The following TCF4 variants were observed in gnomAD, a reference collection of about 807,000 sequenced individuals.
TCF4 encodes the protein transcription factor 4, also known as SL3-3 enhancer factor 2.
A neutral mutation model predicts 82.1 loss-of-function variants in TCF4; 3 were observed. The ratio of observed to expected loss-of-function variants is 0.04; its 90% CI spans 0.02 to 0.09. The LOEUF is 0.09. TCF4 is among the 10% of genes least tolerant of loss of function. The probability of loss-of-function intolerance (pLI) is 1.00; values close to 1 mark genes in which losing one functional copy is unlikely to be tolerated. For missense variants in TCF4, 518 were observed against 852.7 expected, an observed-to-expected ratio of 0.61 and a Z score of 4.89; for synonymous variants, 276 against 309.6, an observed-to-expected ratio of 0.89 and a Z score of 1.14.
At chr18:55,484,269 C>T (rs1252802996) in intron 3 of TCF4, among the ~76,000 whole-genome samples, 1 of 152,102 alleles carries the variant, frequency 6.6e-6, no homozygotes, top group Admixed American at 6.6e-5. Context: ...GTTAAATATG[C>T]CCCACAGAAA....
intron 8 of TCF4, chr18:55,320,861 C>T (rs949896556): frequency 9.8e-5 from 15 of 152,394 alleles, no homozygotes; most frequent in African/African-American, 3.6e-4. Flanking sequence ...CCTTTTCCTT[C>T]AGTGGGCCCA....
At chr18:55,559,933 G>A (rs1465130729) in intron 3 of TCF4, among the ~76,000 whole-genome samples, 11 of 152,122 alleles carry the variant, frequency 7.2e-5, no homozygotes, top group East Asian at 3.8e-4. Flanking sequence ...AGTATAAAGT[G>A]CACATGTGGG....
chr18:55,629,800 A>G (rs967572211), intron 2 of TCF4, among the ~76,000 whole-genome samples: 4 of 152,234 alleles, frequency 2.6e-5, no homozygotes, highest in African/African-American at 9.6e-5. Flanking sequence ...GTCTTGAACC[A>G]TGCACAATTG....
chr18:55,234,909 G>A (rs1048329173), intron 15 of TCF4, among the ~76,000 whole-genome samples: 1 of 152,190 alleles, frequency 6.6e-6, no homozygotes, highest in Non-Finnish European at 1.5e-5. Context: ...ATATGGCAGA[G>A]TAGCTCAGGC....
rs563338627 is a variant in TCF4, at chr18:55,555,709, A to C, written c.145+29571T>G. The stretch of plus-strand genomic sequence containing the variant: ...CTCTCAGTTAAAACTGAGGTAGAGA[A>C]GTCTCTAATCCTTCCTTCTCAATAT... On this transcript the variant is annotated intron_variant, in intron 3 of 19. Transcript: ENST00000354452. Among the ~76,000 whole-genome samples the C allele has an allele frequency of 3.3e-5, 5 of 152,342 alleles. No homozygotes were observed. In the East Asian group the frequency reaches 7.7e-4, roughly 24 times the overall value.
At chr18:55,260,189 C>A (rs2057741311) in intron 12 of TCF4, among the ~76,000 whole-genome samples, 162 bp from the exon 13 acceptor site, 1 of 152,096 alleles carries the variant, frequency 6.6e-6, no homozygotes, top group Non-Finnish European at 1.5e-5. Flanking sequence ...AAGAACTTAA[C>A]AATTATTTTA....
chr18:55,325,138 T>C (rs1602714821), intron 8 of TCF4, among the ~76,000 whole-genome samples: 1 of 152,170 alleles, frequency 6.6e-6, no homozygotes, highest in East Asian at 1.9e-4. Context: ...AAAGAATAAG[T>C]AAATATTCAG....
intron 8 of TCF4, among the ~76,000 whole-genome samples, chr18:55,339,197 G>A (rs1259676645): frequency 6.6e-6 from 1 of 151,996 alleles, no homozygotes; most frequent in African/African-American, 2.4e-5. Context: ...TGCCAAAGTA[G>A]TATTAAAAAA....
At chr18:55,497,483 T>C (rs1301867798) in intron 3 of TCF4, among the ~76,000 whole-genome samples, 1 of 152,190 alleles carries the variant, frequency 6.6e-6, no homozygotes, top group Non-Finnish European at 1.5e-5. Flanking sequence ...TTTCATTATT[T>C]CATATTTGCA....
At chr18:55,465,062 T>C (rs1456058671) in intron 3 of TCF4, among the ~76,000 whole-genome samples, 1 of 152,216 alleles carries the variant, frequency 6.6e-6, no homozygotes, top group African/African-American at 2.4e-5. Context: ...AGATTTTTGA[T>C]GAAAGGGCCT....
chr18:55,320,075 A>G (rs1409316309), intron 8 of TCF4, among the ~76,000 whole-genome samples: 2 of 152,186 alleles, frequency 1.3e-5, no homozygotes, highest in African/African-American at 4.8e-5. Context: ...ATTTTCATTA[A>G]AAGTGCTTTA....
chr18:55,363,801 G>C (rs957146269), intron 6 of TCF4, among the ~76,000 whole-genome samples: 5 of 151,936 alleles, frequency 3.3e-5, no homozygotes, highest in Non-Finnish European at 2.9e-5. Context: ...GCGACACTCT[G>C]TCTCTAAATA....
At chr18:55,262,577 A>G (rs984492793) in intron 11 of TCF4, among the ~76,000 whole-genome samples, 1 of 152,202 alleles carries the variant, frequency 6.6e-6, no homozygotes, top group Non-Finnish European at 1.5e-5. Flanking sequence ...TTAAACAGGT[A>G]TATAATTTCA....
At chr18:55,296,428 C>T (rs866708964) in intron 8 of TCF4, among the ~76,000 whole-genome samples, 1 of 152,196 alleles carries the variant, frequency 6.6e-6, no homozygotes, top group Non-Finnish European at 1.5e-5. Flanking sequence ...ACTTCCACTG[C>T]TTAGAAGTCT....
chr18:55,590,043 C>T (rs561456787), upstream of TCF4, among the ~76,000 whole-genome samples: 2 of 152,326 alleles, frequency 1.3e-5, no homozygotes, highest in Admixed American at 1.3e-4. Context: ...GGCCCCATTT[C>T]CCTGCGCTCT....
chr18:55,510,353 A>G (rs946459089), intron 3 of TCF4, among the ~76,000 whole-genome samples: 12 of 152,204 alleles, frequency 7.9e-5, no homozygotes, highest in African/African-American at 2.7e-4. Context: ...AGCTTAAAAA[A>G]GCAGAAATGT....
intron 3 of TCF4, among the ~76,000 whole-genome samples, chr18:55,578,012 G>T (rs770900408): frequency 1.3e-5 from 2 of 152,068 alleles, no homozygotes; most frequent in Non-Finnish European, 2.9e-5. Context: ...GGATTTTGAC[G>T]TCATCCGTTA....
At chr18:55,446,933 C>T (rs1465298721) in intron 5 of TCF4, among the ~76,000 whole-genome samples, 2 of 142,364 alleles carry the variant, frequency 1.4e-5, no homozygotes, top group Non-Finnish European at 1.5e-5. Flanking sequence ...TAGCAGTGAG[C>T]GGAGATCGCG....
chr18:55,549,076 G>A (rs986500021), intron 3 of TCF4, among the ~76,000 whole-genome samples: 8 of 152,044 alleles, frequency 5.3e-5, no homozygotes, highest in African/African-American at 1.9e-4. Flanking sequence ...CAAGGCAGGT[G>A]GATCACTTGA....
Sources: gnomAD v4.1 joint callset for allele counts (sites outside exome capture counted in the v4.1 genomes callset) on GRCh38, gnomAD v4.1.1 for gene constraint, MANE v1.5 for transcripts, NCBI Gene and HGNC (gene_info 2026-07-23, HGNC 2026-07-21) for gene names.